DUSP22: variants seen among roughly 807,000 people sequenced by gnomAD.
The protein encoded by DUSP22 is dual specificity protein phosphatase 22.
Under a neutral mutation model 24.5 loss-of-function variants are expected in DUSP22, and 24 were observed. The ratio of observed to expected loss-of-function variants is 0.98; its 90% CI spans 0.71 to 1.38. The LOEUF is 1.38. Ranked by LOEUF, DUSP22 falls within the 40% of genes most tolerant of loss-of-function variation. DUSP22 has a pLI of 0.00. For missense variants in DUSP22, 330 were observed against 269.2 expected (o/e 1.23, Z -1.58); for synonymous variants, 160 against 106.4 (o/e 1.50, Z -3.10).
intron 1 of DUSP22, among the ~76,000 whole-genome samples, chr6:300,875 CA>C (rs1194235672): frequency 6.6e-6 from 1 of 152,310 alleles, no homozygotes; most frequent in Non-Finnish European, 1.5e-5. Context: ...GAGCCAGACT[CA>C]GGGGCAACCT....
intron 4 of DUSP22, among the ~76,000 whole-genome samples, chr6:341,111 G>A (rs1481928713): frequency 1.3e-5 from 2 of 152,308 alleles, no homozygotes; most frequent in South Asian, 2.1e-4. Context: ...AGGTGCCCCT[G>A]CTGCAAGGAC....
chr6:344,487 G>T (rs1036500624), intron 4 of DUSP22, among the ~76,000 whole-genome samples: 8 of 152,294 alleles, frequency 5.3e-5, no homozygotes. Flanking sequence ...GATGAGTTTC[G>T]ACATTTTGCC....
rs892233204 is a variant in DUSP22 at position 345,753 on chromosome 6, A to G, written c.189-101A>G. The stretch of plus-strand genomic sequence containing the variant: ...AATTATGTGTCAATTATACAAAAAA[A>G]TCAATTAACATTTTAAGAAAGAAGC... On this transcript the variant is annotated intron_variant, in intron 4 of 6. Transcript: ENST00000419235. 3.5e-5 allele frequency: 50 copies of G among 1,428,300 alleles called. No individual in the cohort carries two copies. In the African/African-American group the frequency reaches 6.5e-4, roughly 19 times the overall value. 88.5% of individuals were successfully genotyped at this position (1,428,300 alleles called of 1,614,324 possible). A position where few individuals can be genotyped will look rare whatever the true frequency, so the allele number is the denominator to read the frequency against.
At chr6:316,706 T>G (rs1411515598) in intron 3 of DUSP22, among the ~76,000 whole-genome samples, 2 of 152,310 alleles carry the variant, frequency 1.3e-5, no homozygotes, top group East Asian at 1.9e-4. Flanking sequence ...TTTTGTGTAT[T>G]TAAGCAGAGC....
intron 2 of DUSP22, among the ~76,000 whole-genome samples, chr6:310,525 T>C (rs1472913607): frequency 1.3e-5 from 2 of 152,298 alleles, no homozygotes; most frequent in Non-Finnish European, 2.9e-5. Context: ...GACAGTTCTG[T>C]TTGGAATTTC....
intron 3 of DUSP22, among the ~76,000 whole-genome samples, chr6:330,427 T>C (rs1224575688): frequency 1.3e-5 from 2 of 152,306 alleles, no homozygotes; most frequent in South Asian, 2.1e-4. Flanking sequence ...TTGAGAAGAC[T>C]CTCCTTCTTA....
rs566467713 is a variant in DUSP22 at position 297,730 on chromosome 6, G to C, written c.21+5170G>C. ...AATTTCCTGAGGCCTGTGTGATCTGGAACTGGAGAGTTATCAAAAGGTGGA... is the reference window on the plus strand; with the variant it reads ...AATTTCCTGAGGCCTGTGTGATCTGCAACTGGAGAGTTATCAAAAGGTGGA... On this transcript the variant is annotated intron_variant, in intron 1 of 6. Transcript: ENST00000419235. 2.0e-5 allele frequency among the ~76,000 whole-genome samples: 3 copies of C among 152,426 alleles called. No homozygotes were observed. The South Asian group carries it at 6.2e-4, about 32-fold the overall frequency.
At chr6:311,677 C>T (rs375240331) in intron 2 of DUSP22, among the ~76,000 whole-genome samples, 2 of 48,346 alleles carry the variant, frequency 4.1e-5, no homozygotes, top group Non-Finnish European at 8.7e-5. Context: ...GAGACTCCGT[C>T]TCAAAAAAAA....
chr6:347,438 A>G (rs907746089), intron 5 of DUSP22, among the ~76,000 whole-genome samples: 1 of 152,304 alleles, frequency 6.6e-6, no homozygotes, highest in Non-Finnish European at 1.5e-5. Flanking sequence ...AAGCACAGCC[A>G]TTCTGTGACC....
intron 1 of DUSP22, among the ~76,000 whole-genome samples, chr6:304,190 G>A (rs1240329632): frequency 2.0e-5 from 3 of 152,310 alleles, no homozygotes; most frequent in Non-Finnish European, 2.9e-5. Context: ...ACTGAGCCGG[G>A]GGCCAACCCT....
chr6:338,023 C>A (rs972825238), intron 4 of DUSP22: 1 of 152,508 alleles, frequency 6.6e-6, no homozygotes, highest in African/African-American at 2.4e-5. Flanking sequence ...AGTGAAGCTA[C>A]GACAGTAAGA....
chr6:311,864 C>T lies in DUSP22; in HGVS notation c.56-16C>T. 2 of 1,610,096 alleles carry T rather than the reference C, an allele frequency of 1.2e-6. No individual in the cohort carries two copies. The highest frequency in any genetic ancestry group is 1.7e-6 in the Non-Finnish European group (2 of 1,177,776). On this transcript the variant is annotated splice_polypyrimidine_tract_variant and intron_variant, in intron 2 of 6. Coordinates refer to ENST00000419235, the MANE Select transcript of DUSP22 (RefSeq NM_001286555.3). ...GCAAAGATATCAAAATGTCCATCCC[C>T]TTTCTTCTCTGACAGATGCCAGAGA...
At position 349,728 on chromosome 6, in the gene DUSP22, A is replaced by C; in HGVS notation, c.*777A>C. On this transcript the variant is annotated 3_prime_UTR_variant, in exon 7 of 7. Transcript: ENST00000419235. ...ATTGCCTCCATCTCAATGTGAATGC[A>C]CCAGGCTGAGGGTTCCCTAGCGCCT... The C allele has an allele frequency of 1.0e-6, 1 of 986,232 alleles. No homozygotes were observed. The highest frequency in any genetic ancestry group is 1.2e-6 in the Non-Finnish European group (1 of 830,472). The allele number at this position is 986,232 out of a possible 1,614,324, so 61.1% of individuals were successfully genotyped here.
Position 349,294 on chromosome 6 carries a change from T to TAC in DUSP22, c.*345_*346dup, listed in dbSNP as rs1187616648. On this transcript the variant is annotated 3_prime_UTR_variant, in exon 7 of 7. Transcript: ENST00000419235. Reference sequence around the variant, plus strand: ...GTGAGGGTATGTGCACCTAAGTGTGTACATGTGTGTATGTTGTGAAAGTGT... The same window carrying TAC: ...GTGAGGGTATGTGCACCTAAGTGTGTACACATGTGTGTATGTTGTGAAAGTGT... The TAC allele has an allele frequency of 8.1e-7, 1 of 1,233,390 alleles. No homozygotes were observed. The highest frequency in any genetic ancestry group is 1.5e-5 in the African/African-American group (1 of 66,052). The allele number at this position is 1,233,390 out of a possible 1,614,324, so 76.4% of individuals were successfully genotyped here.
In DUSP22 at chr6:347,248, G is replaced by A. The variant is rs576110049; in HGVS notation, c.264-855G>A. On this transcript the variant is annotated intron_variant, in intron 5 of 6. Coordinates refer to ENST00000419235, the MANE Select transcript of DUSP22 (RefSeq NM_001286555.3). ...TTCTAATCTAAAGCCCTAGTGAAGA[G>A]CCACTACTTGAGAGTGGGGTTTTAA... is the stretch of plus-strand genomic sequence containing the variant. Among the ~76,000 whole-genome samples the A allele has an allele frequency of 9.8e-5, 15 of 152,424 alleles. No homozygotes were observed. The East Asian group carries it at 2.9e-3, about 29-fold the overall frequency.
chr6:318,215 A>G (rs1758421960), intron 3 of DUSP22, among the ~76,000 whole-genome samples: 1 of 152,308 alleles, frequency 6.6e-6, no homozygotes, highest in Non-Finnish European at 1.5e-5. Context: ...GCTTGTCATT[A>G]AAAGCTTGGC....
rs1446731534 is a variant in DUSP22, at chr6:322,024, G to C, written c.138+10062G>C. Reference sequence around the variant, plus strand: ...CTCAGGAGAGAGGTCTCGGCTGGACGTGAAGATTTGGGCATCACAGTATCA... The same window carrying C: ...CTCAGGAGAGAGGTCTCGGCTGGACCTGAAGATTTGGGCATCACAGTATCA... On this transcript the variant is annotated intron_variant, in intron 3 of 6. Coordinates refer to ENST00000419235, the MANE Select transcript of DUSP22 (RefSeq NM_001286555.3). Among the ~76,000 whole-genome samples, 11 of 152,426 alleles carry C rather than the reference G, an allele frequency of 7.2e-5. No homozygotes were observed. In the East Asian group the frequency reaches 2.1e-3, roughly 29 times the overall value.
intron 3 of DUSP22, among the ~76,000 whole-genome samples, chr6:317,237 T>C (rs1245933335): frequency 6.6e-6 from 1 of 152,304 alleles, no homozygotes; most frequent in African/African-American, 2.4e-5. Context: ...CCATCCTTTT[T>C]CCCCGGGTCA....
At chr6:293,059 G>C (rs746564008) in intron 1 of DUSP22, among the ~76,000 whole-genome samples, 17 of 152,286 alleles carry the variant, frequency 1.1e-4, no homozygotes, top group Non-Finnish European at 2.1e-4. Flanking sequence ...AGTTAACAGA[G>C]TCCTAAGTCC....
Sources: gnomAD v4.1 joint callset for allele counts (sites outside exome capture counted in the v4.1 genomes callset) on GRCh38, gnomAD v4.1.1 for gene constraint, MANE v1.5 for transcripts, NCBI Gene and HGNC (gene_info 2026-07-23, HGNC 2026-07-21) for gene names.